Variants in GAS2 observed in about 807,000 individuals in gnomAD.
The protein encoded by GAS2 is growth arrest-specific protein 2.
Under a neutral mutation model 37.5 loss-of-function variants are expected in GAS2, and 20 were observed. The ratio of observed to expected loss-of-function variants is 0.53; its 90% CI spans 0.37 to 0.77. The LOEUF (loss-of-function observed/expected upper bound fraction) is 0.77, where lower values mean the gene tolerates loss of function less well. GAS2 is among the 30% of genes least tolerant of loss of function. The pLI is 0.00. For synonymous variants in GAS2, 144 were observed against 132.2 expected (o/e 1.09, Z -0.61); for missense variants, 336 against 373.4 (o/e 0.90, Z 0.82).
chr11:22,738,206 C>T (rs1276357034), intron 5 of GAS2, among the ~76,000 whole-genome samples: 1 of 152,112 alleles, frequency 6.6e-6, no homozygotes, highest in Non-Finnish European at 1.5e-5. Flanking sequence ...CAACACTTTG[C>T]TCTTTTAGTT....
At chr11:22,725,487 G>T (rs765877728) in intron 3 of GAS2, among the ~76,000 whole-genome samples, 4 of 152,094 alleles carry the variant, frequency 2.6e-5, no homozygotes, top group Non-Finnish European at 5.9e-5. Context: ...GAAGTGCGGT[G>T]GCATGATCAA....
chr11:22,738,249 T>C (rs551584575), intron 5 of GAS2, among the ~76,000 whole-genome samples: 1 of 152,224 alleles, frequency 6.6e-6, no homozygotes, highest in Non-Finnish European at 1.5e-5. Context: ...GTTTTAAAAT[T>C]ATCTACATTT....
At chr11:22,659,997 C>A (rs546728593) in intron 1 of GAS2, among the ~76,000 whole-genome samples, 1 of 152,128 alleles carries the variant, frequency 6.6e-6, no homozygotes, top group South Asian at 2.1e-4. Flanking sequence ...AGTTGCTTCC[C>A]ATTTGTGTTG....
intron 4 of GAS2, among the ~76,000 whole-genome samples, chr11:22,728,219 G>C (rs187500701): frequency 2.7e-4 from 41 of 151,894 alleles, no homozygotes; most frequent in Non-Finnish European, 4.7e-4. Context: ...TTCTTTTGTT[G>C]TTTGAACTAA....
chr11:22,677,624 G>C (rs181161538), intron 2 of GAS2, among the ~76,000 whole-genome samples: 12 of 152,278 alleles, frequency 7.9e-5, no homozygotes, highest in Admixed American at 7.8e-4. Context: ...AGCTTGATCA[G>C]TGTGAGCAGC....
chr11:22,745,956 C>T (rs890060584), intron 5 of GAS2, among the ~76,000 whole-genome samples: 7 of 151,988 alleles, frequency 4.6e-5, no homozygotes, highest in African/African-American at 7.2e-5. Context: ...GATCACTGGA[C>T]CCCAGTTTGA....
intron 1 of GAS2, among the ~76,000 whole-genome samples, chr11:22,646,727 A>G (rs1004986422): frequency 3.3e-5 from 5 of 152,170 alleles, no homozygotes; most frequent in African/African-American, 9.7e-5. Flanking sequence ...CCAGAAAGCA[A>G]AAACCTACTT....
At chr11:22,787,792 A>G (rs528255884) in intron 7 of GAS2, among the ~76,000 whole-genome samples, 6 of 152,088 alleles carry the variant, frequency 3.9e-5, no homozygotes, top group East Asian at 1.9e-4. Flanking sequence ...AATAACTACT[A>G]TTTTGCTAGG....
chr11:22,766,476 T>C (rs749624918), intron 7 of GAS2, among the ~76,000 whole-genome samples: 4 of 152,224 alleles, frequency 2.6e-5, no homozygotes, highest in Non-Finnish European at 5.9e-5. Context: ...TTTGTAAGTA[T>C]TACTGTTCAA....
At chr11:22,811,614 T>G (rs774468481) in intron 7 of GAS2, among the ~76,000 whole-genome samples, 184 bp from the exon 8 acceptor site, 1 of 141,850 alleles carries the variant, frequency 7.0e-6, no homozygotes, top group Non-Finnish European at 1.5e-5. Context: ...TCTTATCACT[T>G]CCACAGAAAA....
intron 7 of GAS2, among the ~76,000 whole-genome samples, chr11:22,769,497 G>T (rs892577583): frequency 6.6e-6 from 1 of 152,194 alleles, no homozygotes; most frequent in Non-Finnish European, 1.5e-5. Context: ...AGATCTGATA[G>T]ATAACATGTA....
At chr11:22,776,356 G>A (rs1564883716) in intron 7 of GAS2, among the ~76,000 whole-genome samples, 1 of 151,942 alleles carries the variant, frequency 6.6e-6, no homozygotes, top group Non-Finnish European at 1.5e-5. Context: ...TACAAAAATA[G>A]GTATGGGCCA....
intron 7 of GAS2, among the ~76,000 whole-genome samples, chr11:22,784,148 A>G (rs1163353485): frequency 6.6e-6 from 1 of 152,126 alleles, no homozygotes; most frequent in African/African-American, 2.4e-5. Flanking sequence ...TTTCATATGA[A>G]TTTCAGCTTT....
intron 1 of GAS2, among the ~76,000 whole-genome samples, chr11:22,659,478 T>A (rs924958370): frequency 6.6e-6 from 1 of 152,186 alleles, no homozygotes; most frequent in African/African-American, 2.4e-5. Context: ...AAGAGATTAT[T>A]TCTGTGTAGG....
chr11:22,779,983 C>T (rs1453212415), intron 7 of GAS2, among the ~76,000 whole-genome samples: 1 of 152,176 alleles, frequency 6.6e-6, no homozygotes, highest in African/African-American at 2.4e-5. Flanking sequence ...TTCTTCCATT[C>T]TTTACGCTTT....
At chr11:22,758,683 G>T (rs1420667200) in intron 7 of GAS2, among the ~76,000 whole-genome samples, 1 of 152,124 alleles carries the variant, frequency 6.6e-6, no homozygotes, top group East Asian at 1.9e-4. Flanking sequence ...GGAGGCCGAG[G>T]CGGGCAGATC....
chr11:22,741,880 G>T (rs113415673), intron 5 of GAS2, among the ~76,000 whole-genome samples: 1 of 152,116 alleles, frequency 6.6e-6, no homozygotes, highest in East Asian at 1.9e-4. Context: ...ACAGTTTCTC[G>T]CACTAGGCTG....
In GAS2 at chr11:22,729,893, C is replaced by A. The variant is rs543252966; in HGVS notation, c.409+3460C>A. On this transcript the variant is annotated intron_variant, in intron 4 of 7. Transcript: ENST00000454584. ...AAATTGGCATGCTTTCTTTGGAAGG[C>A]AATTTTATATCAAAGACCTCAGAAG... Among the ~76,000 whole-genome samples, 4 of 151,734 alleles carry A rather than the reference C, an allele frequency of 2.6e-5. No homozygotes were observed. The South Asian group carries it at 8.3e-4, about 32-fold the overall frequency.
chr11:22,696,082 T>G, intron 3 of GAS2, among the ~76,000 whole-genome samples: 1 of 128,872 alleles, frequency 7.8e-6, no homozygotes, highest in Non-Finnish European at 1.6e-5. Flanking sequence ...CCTAATGCTA[T>G]CCCTCCCCCC....
Sources: gnomAD v4.1 joint callset for allele counts (sites outside exome capture counted in the v4.1 genomes callset) on GRCh38, gnomAD v4.1.1 for gene constraint, MANE v1.5 for transcripts, NCBI Gene and HGNC (gene_info 2026-07-23, HGNC 2026-07-21) for gene names.